CFAP251: variants seen among roughly 807,000 people sequenced by gnomAD.
The protein encoded by CFAP251 is cilia- and flagella-associated protein 251.
A neutral mutation model predicts 126.7 loss-of-function variants in CFAP251; 93 were observed. The observed-to-expected ratio is 0.73, with a 90% CI of 0.62 to 0.87. CFAP251 has a LOEUF of 0.87. CFAP251 is among the 40% of genes least tolerant of loss of function. CFAP251 has a pLI of 0.00. For missense variants in CFAP251, 1,287 were observed against 1,389.2 expected, an observed-to-expected ratio of 0.93 and a Z score of 1.17; for synonymous variants, 503 against 506.9, an observed-to-expected ratio of 0.99 and a Z score of 0.10.
At chr12:121,921,192 C>A in intron 1 of CFAP251, 94 bp from the exon 2 acceptor site, 1 of 1,336,774 alleles carries the variant, frequency 7.5e-7, no homozygotes. Flanking sequence ...GGGAACAGAG[C>A]CATTTATGCA....
At chr12:121,970,954 C>T (rs1318004897) in intron 17 of CFAP251, among the ~76,000 whole-genome samples, 7 of 152,210 alleles carry the variant, frequency 4.6e-5, no homozygotes, top group Admixed American at 4.6e-4. Context: ...CCCCCTGGCC[C>T]CTCTGGGGTC....
chr12:122,000,564 AAG>A (rs1055438291), intron 20 of CFAP251, among the ~76,000 whole-genome samples: 4 of 151,936 alleles, frequency 2.6e-5, no homozygotes, highest in Non-Finnish European at 5.9e-5. Context: ...AAAAAAAAGA[AAG>A]AAAAAAAGAA....
intron 4 of CFAP251, among the ~76,000 whole-genome samples, chr12:121,934,044 G>T (rs1880794414): frequency 6.6e-6 from 1 of 152,120 alleles, no homozygotes; most frequent in Non-Finnish European, 1.5e-5. Flanking sequence ...TTATCTTTCA[G>T]GTGTTTGGAG....
chr12:121,967,950 C>A, intron 16 of CFAP251, 56 bp from the exon 17 acceptor site: 3 of 1,511,108 alleles, frequency 2.0e-6, no homozygotes. Flanking sequence ...ACGTGCCAGG[C>A]CTCTCTCGGG....
At chr12:121,927,825 C>T (rs1175079754) in intron 3 of CFAP251, among the ~76,000 whole-genome samples, 1 of 152,176 alleles carries the variant, frequency 6.6e-6, no homozygotes, top group African/African-American at 2.4e-5. Flanking sequence ...AGCTAGGAAA[C>T]AAGGCAATCA....
chr12:121,929,752 G>T (rs1240771178), intron 3 of CFAP251, among the ~76,000 whole-genome samples: 2 of 151,026 alleles, frequency 1.3e-5, no homozygotes, highest in African/African-American at 4.9e-5. Flanking sequence ...ATCTCAGCTT[G>T]CTATAACCTC....
At chr12:121,999,995 G>A (rs1475776899) in intron 20 of CFAP251, 51 bp downstream of exon 20, 5 of 1,516,484 alleles carry the variant, frequency 3.3e-6, no homozygotes, top group Non-Finnish European at 3.6e-6. Context: ...CATTCCCAGT[G>A]TAGAGAACTG....
intron 17 of CFAP251, chr12:121,968,947 C>G: frequency 1.0e-6 from 1 of 985,378 alleles, no homozygotes; most frequent in Non-Finnish European, 1.2e-6. Context: ...CCACACTGTC[C>G]TCTCATCTAC....
Position 121,969,675 on chromosome 12 carries a change from G to A in CFAP251, c.2771+1506G>A, listed in dbSNP as rs185720360. 679 of 893,212 alleles carry A rather than the reference G, an allele frequency of 7.6e-4. 4 individuals are homozygous for A. Among genetic ancestry groups the A allele is most frequent in the Non-Finnish European group, 6.6e-4 (495 of 745,892 alleles). The allele number at this position is 893,212 out of a possible 1,614,324, so 55.3% of individuals were successfully genotyped here. A position where few individuals can be genotyped will look rare whatever the true frequency, so the allele number is the denominator to read the frequency against. On this transcript the variant is annotated intron_variant, in intron 17 of 21. Coordinates refer to ENST00000288912, the MANE Select transcript of CFAP251 (RefSeq NM_144668.6). ...TAACTTTAAAAAAATTTTTTTTGTCGATACAGAGTCACACCAAGCCTAGGC... is the reference window on the plus strand; with the variant it reads ...TAACTTTAAAAAAATTTTTTTTGTCAATACAGAGTCACACCAAGCCTAGGC...
intron 3 of CFAP251, among the ~76,000 whole-genome samples, chr12:121,926,519 G>A (rs1880423073): frequency 6.6e-6 from 1 of 151,772 alleles, no homozygotes; most frequent in Non-Finnish European, 1.5e-5. Flanking sequence ...TTAGAGATGG[G>A]GTCTCACTAT....
At chr12:121,965,083 G>T (rs1228720608) in intron 15 of CFAP251, among the ~76,000 whole-genome samples, 3 of 152,072 alleles carry the variant, frequency 2.0e-5, no homozygotes, top group Non-Finnish European at 4.4e-5. Flanking sequence ...TGGCTTAATT[G>T]GGAAGGAATT....
At chr12:121,969,571 G>T in intron 17 of CFAP251, 1 of 860,460 alleles carries the variant, frequency 1.2e-6, no homozygotes, top group Non-Finnish European at 1.4e-6. Flanking sequence ...CTGCAGCCTC[G>T]AACTCCTGGG....
chr12:121,955,204 G>C (rs189903620), intron 10 of CFAP251, among the ~76,000 whole-genome samples: 234 of 152,284 alleles, frequency 1.5e-3, no homozygotes, highest in African/African-American at 5.4e-3. Context: ...TGAGGCATGA[G>C]AATCACTTGA....
At chr12:121,967,155 A>G (rs983613716) in intron 16 of CFAP251, 86 bp downstream of exon 16, 4 of 1,316,616 alleles carry the variant, frequency 3.0e-6, no homozygotes, top group Non-Finnish European at 4.3e-6. Flanking sequence ...AGACTCAGAG[A>G]GTTCTGGGTT....
intron 17 of CFAP251, chr12:121,969,831 T>C (rs1882273857): frequency 1.0e-6 from 1 of 985,248 alleles, no homozygotes; most frequent in African/African-American, 1.7e-5. Context: ...GGATCTGGAA[T>C]GGTAGAAATT....
At chr12:121,943,678 T>G (rs2688411) in intron 7 of CFAP251, among the ~76,000 whole-genome samples, 94,344 of 151,878 alleles carry the variant, frequency 0.62, 31,907 homozygotes, top group Non-Finnish European at 0.77. Flanking sequence ...CCCCACCTTG[T>G]CCTCCCAAAA....
At chr12:121,960,126 C>G (rs1381893361) in intron 13 of CFAP251, among the ~76,000 whole-genome samples, 1 of 151,978 alleles carries the variant, frequency 6.6e-6, no homozygotes, top group African/African-American at 2.4e-5. Context: ...GATCAAGACT[C>G]TTGTCTCAAA....
Position 121,957,232 on chromosome 12 carries a change from C to T in CFAP251, c.1694C>T (p.Pro565Leu). Residue 565 changes from proline (P) to leucine (L), a missense_variant, in exon 11 of 22, where the codon CCT becomes CTT. Coordinates refer to ENST00000288912, the MANE Select transcript of CFAP251 (RefSeq NM_144668.6). The stretch of plus-strand genomic sequence containing the variant: ...CCTACTGAAAAATCAAACTATCCTC[C>T]TGACTGCACTTTAAAAGGTGACCTT... ...TPPTEKSNYPPDCTLKGDLFV... is the reference protein window; with the variant it reads ...TPPTEKSNYPLDCTLKGDLFV... The T allele has an allele frequency of 6.2e-7, 1 of 1,613,026 alleles. No homozygotes were observed. The highest frequency in any genetic ancestry group is 1.1e-5 in the South Asian group (1 of 90,830).
At chr12:121,948,887 C>T in intron 7 of CFAP251, 97 bp from the exon 8 acceptor site, 2 of 689,464 alleles carry the variant, frequency 2.9e-6, no homozygotes, top group Non-Finnish European at 4.7e-6. Context: ...TATTCCTACT[C>T]ATTTGTTTTA....
Sources: allele counts gnomAD v4.1 joint callset (sites outside exome capture counted in the v4.1 genomes callset), GRCh38; gene constraint gnomAD v4.1.1; transcripts MANE v1.5; gene names NCBI Gene and HGNC (gene_info 2026-07-23, HGNC 2026-07-21).